The following CABIN1 variants were observed in gnomAD, a reference collection of about 807,000 sequenced individuals.
CABIN1 encodes the protein calcineurin-binding protein cabin-1.
A neutral mutation model predicts 227.7 loss-of-function variants in CABIN1; 133 were observed. That is an observed-to-expected ratio of 0.58 (90% CI 0.51 to 0.67). CABIN1 has a LOEUF of 0.67. CABIN1 is among the 30% of genes least tolerant of loss of function. The pLI, the probability that CABIN1 is intolerant of heterozygous loss-of-function variation, is 0.00. For synonymous variants in CABIN1, 1,086 were observed against 1,155.1 expected (o/e 0.94, Z 1.21); for missense variants, 2,408 against 2,852.5 (o/e 0.84, Z 3.55).
chr22:24,084,486 A>G (rs776855359), intron 20 of CABIN1, 93 bp from the exon 21 acceptor site: 30 of 1,017,974 alleles, frequency 2.9e-5, no homozygotes, highest in African/African-American at 4.7e-5. Flanking sequence ...CCTCATTTAC[A>G]TTGGACAAAG....
At chr22:24,100,658 G>T (rs1485791417) in intron 26 of CABIN1, among the ~76,000 whole-genome samples, 1 of 152,214 alleles carries the variant, frequency 6.6e-6, no homozygotes, top group African/African-American at 2.4e-5. Context: ...GGTGCTTCTA[G>T]CCCTGGTACA....
In CABIN1 at chr22:24,049,196, A is replaced by G. The variant is rs2038129285; in HGVS notation, c.632A>G (p.Asp211Gly). The change falls in exon 7 of 37, where the codon GAC (aspartate) becomes GGC (glycine). Residue 211 changes from aspartate (D) to glycine (G), a missense_variant. This residue lies in a region of CABIN1 where 1,045 missense variants were observed against 1,168.4 expected (regional missense o/e 0.89). Transcript: ENST00000263119. ...IFEEQPCLRKDSLRMFLKCDM... is the reference protein window; with the variant it reads ...IFEEQPCLRKGSLRMFLKCDM... ...GAGGAGCAGCCTTGTCTCCGGAAGG[A>G]CTCTCTCAGAATGTTCCTCAAATGG... 6.2e-7 allele frequency: 1 copy of G among 1,613,586 alleles called. No individual in the cohort carries two copies. Among genetic ancestry groups the G allele is most frequent in the East Asian group, 2.2e-5 (1 of 44,842 alleles).
chr22:24,031,279 G>A (rs2036474095), intron 1 of CABIN1, among the ~76,000 whole-genome samples: 2 of 152,168 alleles, frequency 1.3e-5, no homozygotes, highest in African/African-American at 2.4e-5. Context: ...CTGTGGGGTG[G>A]CAGGGGGCAG....
rs1167518378 is a variant in CABIN1 at position 24,166,546 on chromosome 22, G to A, written c.5008-93G>A. The A allele has an allele frequency of 6.7e-6, 10 of 1,497,544 alleles. No individual in the cohort carries two copies. The African/African-American group carries it at 9.6e-5, about 14-fold the overall frequency. The allele number at this position is 1,497,544 out of a possible 1,614,324, so 92.8% of individuals were successfully genotyped here. Reference sequence around the variant, plus strand: ...CCGGAGCCACACAGATGTCAGGTGGGAGAGGCCCAGGTTGGGCTCACCAGC... The same window carrying A: ...CCGGAGCCACACAGATGTCAGGTGGAAGAGGCCCAGGTTGGGCTCACCAGC... On this transcript the variant is annotated intron_variant, in intron 31 of 36. Coordinates refer to ENST00000263119, the MANE Select transcript of CABIN1 (RefSeq NM_012295.4).
chr22:24,049,776 G>A (rs1445630148), intron 7 of CABIN1, among the ~76,000 whole-genome samples: 1 of 152,116 alleles, frequency 6.6e-6, no homozygotes, highest in African/African-American at 2.4e-5. Flanking sequence ...GTACCATTGT[G>A]TGGCATCCTG....
rs575682046 is a variant in CABIN1, at chr22:24,132,868, G to A, written c.4633-1434G>A. 1.2e-4 allele frequency among the ~76,000 whole-genome samples: 18 copies of A among 152,328 alleles called. No homozygotes were observed. In the East Asian group the frequency reaches 2.5e-3, roughly 21 times the overall value. ...CTCCCAAAGTGCTGGGATTACAGGC[G>A]TGAGCCACCGCGCCCAGCTGCTGGG... is the stretch of plus-strand genomic sequence containing the variant. On this transcript the variant is annotated intron_variant, in intron 28 of 36. Transcript: ENST00000263119.
intron 30 of CABIN1, among the ~76,000 whole-genome samples, chr22:24,165,288 G>T (rs1201417788): frequency 6.6e-6 from 1 of 152,248 alleles, no homozygotes; most frequent in East Asian, 1.9e-4. Context: ...AGCACACAGG[G>T]TGGGCCCACT....
intron 14 of CABIN1, among the ~76,000 whole-genome samples, chr22:24,063,367 C>G (rs2039343360): frequency 1.3e-5 from 2 of 152,202 alleles, no homozygotes; most frequent in Non-Finnish European, 2.9e-5. Flanking sequence ...TGATACCAAT[C>G]TGTAAAGCTC....
intron 1 of CABIN1, among the ~76,000 whole-genome samples, chr22:24,023,571 A>T (rs537999330): frequency 2.0e-5 from 3 of 152,014 alleles, no homozygotes; most frequent in East Asian, 1.9e-4. Context: ...TTTCTGTTTT[A>T]TTTTTTTGAT....
Position 24,177,599 on chromosome 22 carries a change from T to G in CABIN1, c.6301T>G (p.Ser2101Ala). Residue 2101 changes from serine (S) to alanine (A), a missense_variant, in exon 36 of 37, where the codon TCC (serine) becomes GCC (alanine). Around this residue, in one of 3 missense-constraint regions of CABIN1, gnomAD observed 714 missense variants for 773.8 expected, o/e 0.92. Coordinates refer to ENST00000263119, the MANE Select transcript of CABIN1 (RefSeq NM_012295.4). The surrounding 1 kb of genome is among the most constrained non-coding windows in gnomAD (Gnocchi z 4.4). The stretch of plus-strand genomic sequence containing the variant: ...GAGCTCTCCCCCAACAGCTGCCAGC[T>G]CCAAGGCCCCCAGCAGTGGGAGTGC... ...PLSSPPTAAS[S>A]KAPSSGSAQP... 6.2e-7 allele frequency: 1 copy of G among 1,609,446 alleles called. No homozygotes were observed. The highest frequency in any genetic ancestry group is 8.5e-7 in the Non-Finnish European group (1 of 1,177,086).
chr22:24,153,916 G>C (rs540624154), intron 29 of CABIN1, among the ~76,000 whole-genome samples: 8 of 152,320 alleles, frequency 5.3e-5, no homozygotes, highest in African/African-American at 1.9e-4. Context: ...ACCCCAAGCT[G>C]CCCAGCCCAT....
At chr22:24,145,310 G>A (rs1051360086) in intron 29 of CABIN1, among the ~76,000 whole-genome samples, 3 of 152,198 alleles carry the variant, frequency 2.0e-5, no homozygotes, top group African/African-American at 4.8e-5. Context: ...GGCAGCAGGA[G>A]CACTGTCAAC....
chr22:24,112,341 A>G (rs369297460), intron 26 of CABIN1, among the ~76,000 whole-genome samples: 1 of 152,110 alleles, frequency 6.6e-6, no homozygotes, highest in Non-Finnish European at 1.5e-5. Context: ...TGCTATGGTT[A>G]CCTTTAGTGC....
chr22:24,140,188 C>G (rs973109735), intron 29 of CABIN1, among the ~76,000 whole-genome samples: 4 of 152,158 alleles, frequency 2.6e-5, no homozygotes, highest in Non-Finnish European at 5.9e-5. Context: ...TGCTAAGGAT[C>G]GAGTGAGTGG....
intron 11 of CABIN1, among the ~76,000 whole-genome samples, chr22:24,059,700 C>G (rs1231433759): frequency 1.3e-5 from 2 of 152,164 alleles, no homozygotes; most frequent in Admixed American, 1.3e-4. Context: ...CTTTTGATGT[C>G]CACCTTAGAT....
chr22:24,073,761 G>A (rs982438088), intron 18 of CABIN1, among the ~76,000 whole-genome samples: 1 of 152,180 alleles, frequency 6.6e-6, no homozygotes, highest in Non-Finnish European at 1.5e-5. Context: ...CAGGGACTGA[G>A]CAAGCCTTAA....
At chr22:24,174,426 G>T (rs765102360) in intron 34 of CABIN1, among the ~76,000 whole-genome samples, 1 of 152,166 alleles carries the variant, frequency 6.6e-6, no homozygotes, top group Non-Finnish European at 1.5e-5. Context: ...ACCATACCCC[G>T]CCTGAGGATG....
At chr22:24,061,258 C>G (rs530738166) in intron 12 of CABIN1, among the ~76,000 whole-genome samples, 1 of 152,236 alleles carries the variant, frequency 6.6e-6, no homozygotes, top group African/African-American at 2.4e-5. Context: ...ACACAAGGTG[C>G]TCTGGCCCCT....
At chr22:24,048,869 C>T (rs942711996) in intron 6 of CABIN1, among the ~76,000 whole-genome samples, 9 of 152,208 alleles carry the variant, frequency 5.9e-5, no homozygotes, top group African/African-American at 1.2e-4. Context: ...AAAGATCCTA[C>T]GGTCTGTCCT....
Sources: gnomAD v4.1 joint callset for allele counts (sites outside exome capture counted in the v4.1 genomes callset) on GRCh38, gnomAD v4.1.1 for gene constraint, gnomAD v4.1.1 regional missense constraint, Gnocchi (gnomAD v3.1) non-coding constraint, MANE v1.5 for transcripts, NCBI Gene and HGNC (gene_info 2026-07-23, HGNC 2026-07-21) for gene names.